Variants in RGS22 observed in about 807,000 individuals in gnomAD.
The protein encoded by RGS22 is regulator of G protein signaling 22.
In RGS22, 148 loss-of-function variants were observed where a neutral mutation model predicts 172.9. The ratio of observed to expected loss-of-function variants is 0.86; its 90% CI spans 0.75 to 0.98. RGS22 has a LOEUF of 0.98. Ranked by LOEUF, RGS22 falls within the 50% of genes least tolerant of loss-of-function variation. The probability of loss-of-function intolerance (pLI) is 0.00; values close to 1 mark genes in which losing one functional copy is unlikely to be tolerated. For synonymous variants in RGS22, 458 were observed against 480.2 expected (o/e 0.95, Z 0.60); for missense variants, 1,347 against 1,440.8 (o/e 0.93, Z 1.05).
chr8:100,096,607 ATT>A (rs59285481), intron 2 of RGS22, among the ~76,000 whole-genome samples: 1 of 142,480 alleles, frequency 7.0e-6, no homozygotes, highest in African/African-American at 2.6e-5. Context: ...ATGAACTACA[ATT>A]TTTTTTTTTT....
chr8:100,095,971 GA>G (rs1399722371), intron 2 of RGS22, among the ~76,000 whole-genome samples: 1 of 152,194 alleles, frequency 6.6e-6, no homozygotes, highest in Non-Finnish European at 1.5e-5. Flanking sequence ...CACCTGAGTG[GA>G]AAGGCTTGTC....
Position 100,004,006 on chromosome 8 carries a change from C to T in RGS22, c.2547G>A (p.Lys849=), listed in dbSNP as rs748178557. 15 of 1,612,338 alleles carry T rather than the reference C, an allele frequency of 9.3e-6. No homozygotes were observed. Among genetic ancestry groups the T allele is most frequent in the Admixed American group, 1.7e-5 (1 of 59,868 alleles). The part of the protein sequence containing the change: ...EYWDNVPAEY[K]HFKFSDLLNN... The stretch of plus-strand genomic sequence containing the variant: ...TAAGCAGATCACTAAACTTAAAATG[C>T]TTGTATTCTGCAGGAACATTATCCC... The change falls in exon 17 of 28, where the codon AAG becomes AAA. Residue 849 remains lysine (K), a synonymous_variant. Coordinates refer to ENST00000360863, the MANE Select transcript of RGS22 (RefSeq NM_015668.5).
At chr8:100,040,193 C>G (rs887972658) in intron 12 of RGS22, 106 bp from the exon 13 acceptor site, 2 of 984,040 alleles carry the variant, frequency 2.0e-6, no homozygotes, top group African/African-American at 3.4e-5. Context: ...CATTTTCCCA[C>G]TGGACTATTT....
chr8:99,993,653 A>C (rs533168674), intron 20 of RGS22, among the ~76,000 whole-genome samples: 198 of 152,258 alleles, frequency 1.3e-3, no homozygotes, highest in African/African-American at 4.4e-3. Context: ...AGTCCAGGAC[A>C]AGATGGATTC....
intron 2 of RGS22, among the ~76,000 whole-genome samples, chr8:100,095,713 T>C (rs748087271): frequency 6.6e-6 from 1 of 152,222 alleles, no homozygotes; most frequent in Non-Finnish European, 1.5e-5. Context: ...GTGGCAGCAG[T>C]AGCACTGCTC....
At chr8:99,992,507 A>G (rs1186970436) in intron 20 of RGS22, among the ~76,000 whole-genome samples, 2 of 152,206 alleles carry the variant, frequency 1.3e-5, no homozygotes, top group African/African-American at 4.8e-5. Context: ...ACAAAGATCA[A>G]AATAGACAAA....
intron 14 of RGS22, among the ~76,000 whole-genome samples, chr8:100,011,271 C>T (rs942572309): frequency 1.3e-5 from 2 of 152,090 alleles, no homozygotes; most frequent in Non-Finnish European, 2.9e-5. Flanking sequence ...TGAGGAGTGA[C>T]GTCATTGGAT....
intron 21 of RGS22, 104 bp downstream of exon 21, chr8:99,987,354 G>A (rs1813205475): frequency 1.3e-6 from 1 of 789,328 alleles, no homozygotes; most frequent in Non-Finnish European, 2.0e-6. Context: ...AGCAAAATTG[G>A]GATATCTTAT....
intron 23 of RGS22, among the ~76,000 whole-genome samples, chr8:99,971,575 A>T (rs956814120): frequency 6.6e-6 from 1 of 152,170 alleles, no homozygotes; most frequent in African/African-American, 2.4e-5. Flanking sequence ...ATTCCCATAC[A>T]CCAATAATAG....
Position 100,060,402 on chromosome 8 carries a change from G to GTGTATATA in RGS22, c.1514+2188_1514+2189insTATATACA, listed in dbSNP as rs1193942289. Among the ~76,000 whole-genome samples, 97 of 102,960 alleles carry GTGTATATA rather than the reference G, an allele frequency of 9.4e-4. 1 individual carries two copies. The highest frequency in any genetic ancestry group is 2.9e-3 in the African/African-American group (95 of 32,460). 67.5% of individuals were successfully genotyped at this position (102,960 alleles called of 152,430 possible). A position where few individuals can be genotyped will look rare whatever the true frequency, so the allele number is the denominator to read the frequency against. ...GATAAATCTGCAACTTTAGCTACGT[G>GTGTATATA]TATATATATATATATATATACACAC... On this transcript the variant is annotated intron_variant, in intron 9 of 27. Coordinates refer to ENST00000360863, the MANE Select transcript of RGS22 (RefSeq NM_015668.5).
intron 2 of RGS22, among the ~76,000 whole-genome samples, chr8:100,103,436 T>A (rs1813661437): frequency 6.6e-6 from 1 of 151,974 alleles, no homozygotes; most frequent in South Asian, 2.1e-4. Context: ...TTGATGTGAG[T>A]GACTGAATGG....
intron 4 of RGS22, 57 bp from the exon 5 acceptor site, chr8:100,072,287 A>T (rs1028805344): frequency 1.9e-6 from 2 of 1,035,432 alleles, no homozygotes; most frequent in African/African-American, 3.2e-5. Context: ...TTTTAGGATG[A>T]TTAACACCTA....
At chr8:100,006,961 C>T (rs556950472) in intron 15 of RGS22, among the ~76,000 whole-genome samples, 14 of 151,966 alleles carry the variant, frequency 9.2e-5, no homozygotes, top group African/African-American at 2.4e-4. Flanking sequence ...GCACCCTCTA[C>T]GGCATACACT....
rs375830197 is a variant in RGS22, at chr8:100,052,148, AAT to A, written c.1689+652_1689+653del. On this transcript the variant is annotated intron_variant, in intron 10 of 27. Transcript: ENST00000360863. ...ATATATAAATATATAAACATATATT[AAT>A]ATATATATAAATATATAAACATATA... is the stretch of plus-strand genomic sequence containing the variant. Among the ~76,000 whole-genome samples, 167 of 19,048 alleles carry A rather than the reference AAT, an allele frequency of 8.8e-3. 51 individuals are homozygous for A. The highest frequency in any genetic ancestry group is 0.041 in the African/African-American group (122 of 3,012). The allele number at this position is 19,048 out of a possible 152,430, so 12.5% of individuals were successfully genotyped here.
intron 10 of RGS22, among the ~76,000 whole-genome samples, chr8:100,051,815 A>ATATATT (rs1290977690): frequency 3.7e-4 from 7 of 19,060 alleles, no homozygotes; most frequent in Non-Finnish European, 5.3e-4. Flanking sequence ...ATAAATGTTT[A>ATATATT]TATATATTTA....
chr8:99,964,584 C>T (rs777475095), intron 24 of RGS22, among the ~76,000 whole-genome samples: 1 of 151,154 alleles, frequency 6.6e-6, no homozygotes, highest in Non-Finnish European at 1.5e-5. Context: ...AAATTTAATG[C>T]TAGTCATTTG....
At chr8:100,069,058 C>G (rs1378870901) in intron 6 of RGS22, among the ~76,000 whole-genome samples, 1 of 151,806 alleles carries the variant, frequency 6.6e-6, no homozygotes, top group Non-Finnish European at 1.5e-5. Flanking sequence ...TAACTGTGAA[C>G]ATTTTTGACA....
At chr8:100,084,590 A>G (rs1305040200) in intron 3 of RGS22, among the ~76,000 whole-genome samples, 1 of 152,224 alleles carries the variant, frequency 6.6e-6, no homozygotes. Context: ...TTATAATAGA[A>G]CAGAGATCTT....
intron 9 of RGS22, among the ~76,000 whole-genome samples, chr8:100,059,449 C>G (rs1809918468): frequency 6.6e-6 from 1 of 151,350 alleles, no homozygotes; most frequent in Non-Finnish European, 1.5e-5. Context: ...AAAACATGTT[C>G]CATGTCAATG....
Sources: allele counts gnomAD v4.1 joint callset (sites outside exome capture counted in the v4.1 genomes callset), GRCh38; gene constraint gnomAD v4.1.1; transcripts MANE v1.5; gene names NCBI Gene and HGNC (gene_info 2026-07-23, HGNC 2026-07-21).